Variants in MAP7 observed in about 807,000 individuals in gnomAD.
MAP7 encodes the protein microtubule associated protein 7.
Under a neutral mutation model 94.8 loss-of-function variants are expected in MAP7, and 52 were observed. That is an observed-to-expected ratio of 0.55 (90% confidence interval 0.44 to 0.69). MAP7 has a LOEUF of 0.69. Among genes scored for constraint, MAP7 ranks in the 30% least tolerant of loss-of-function variants. MAP7 has a pLI of 0.00. For synonymous variants in MAP7, 350 were observed against 357.0 expected (o/e 0.98, Z 0.22); for missense variants, 940 against 964.6 (o/e 0.97, Z 0.34).
intron 1 of MAP7, among the ~76,000 whole-genome samples, chr6:136,435,862 G>T (rs535342108): frequency 2.6e-5 from 4 of 152,280 alleles, no homozygotes; most frequent in African/African-American, 9.6e-5. Context: ...TAGAATAGAT[G>T]TTTAATACAA....
intron 16 of MAP7, among the ~76,000 whole-genome samples, chr6:136,353,712 C>A (rs774452370): frequency 5.9e-5 from 9 of 152,068 alleles, no homozygotes; most frequent in African/African-American, 1.7e-4. Flanking sequence ...TGCCACCATG[C>A]CTGGCTAATT....
chr6:136,505,574 G>A (rs1821281025), intron 1 of MAP7, among the ~76,000 whole-genome samples: 1 of 151,774 alleles, frequency 6.6e-6, no homozygotes, highest in Non-Finnish European at 1.5e-5. Flanking sequence ...GTTATAAAAA[G>A]TCAGAAGTAA....
intron 1 of MAP7, among the ~76,000 whole-genome samples, chr6:136,439,378 C>T (rs967831578): frequency 2.6e-5 from 4 of 152,258 alleles, no homozygotes; most frequent in African/African-American, 7.2e-5. Flanking sequence ...CCTCACCAGA[C>T]GCTGAAGGCT....
At chr6:136,449,090 C>T (rs1481543712) in intron 1 of MAP7, among the ~76,000 whole-genome samples, 7 of 151,480 alleles carry the variant, frequency 4.6e-5, no homozygotes, top group African/African-American at 1.2e-4. Context: ...GGGCGGATCA[C>T]GAGGTCAGGA....
chr6:136,366,718 ATACTTTGT>A lies in MAP7; in HGVS notation c.877-287_877-280del, dbSNP rs368730769. Among the ~76,000 whole-genome samples the A allele has an allele frequency of 1.0e-3, 152 of 152,358 alleles. 1 individual carries two copies. Among genetic ancestry groups the A allele is most frequent in the African/African-American group, 3.5e-3 (146 of 41,574 alleles). ...GTGTACATACTTTTAGAAAGCACCT[ATACTTTGT>A]GTCTAAAATTAATTACCTGAAGCAA... On this transcript the variant is annotated intron_variant, in intron 8 of 17. Coordinates refer to ENST00000354570, the MANE Select transcript of MAP7 (RefSeq NM_003980.6).
intron 1 of MAP7, chr6:136,466,975 C>T: frequency 1.5e-5 from 18 of 1,223,192 alleles, no homozygotes; most frequent in Non-Finnish European, 1.8e-5. Flanking sequence ...ACTCGACAGC[C>T]ACTGTTTTTA....
intron 1 of MAP7, among the ~76,000 whole-genome samples, chr6:136,441,598 C>T (rs1368861094): frequency 6.6e-6 from 1 of 152,156 alleles, no homozygotes; most frequent in Non-Finnish European, 1.5e-5. Context: ...CTCAGGAAAG[C>T]TATTAGCCCC....
At position 136,345,952 on chromosome 6, in the gene MAP7, G is replaced by T; in HGVS notation, c.2143C>A (p.Pro715Thr). The change falls in exon 17 of 18, where the codon CCA (proline) becomes ACA (threonine). Residue 715 changes from proline to threonine, a missense_variant. Transcript: ENST00000354570. Reference sequence around the variant, plus strand: ...AAAATTGGATTCAAAGGAATTTCTGGGCTCTCACTGTTGGTGACATCTAAT... The same window carrying T: ...AAAATTGGATTCAAAGGAATTTCTGTGCTCTCACTGTTGGTGACATCTAAT... ...SRLDVTNSES[P>T]EIPLNPILAF... 1 of 1,614,000 alleles carries T rather than the reference G, an allele frequency of 6.2e-7. No individual in the cohort carries two copies. Among genetic ancestry groups the T allele is most frequent in the South Asian group, 1.1e-5 (1 of 91,078 alleles).
At chr6:136,410,445 C>T (rs955621482) in intron 3 of MAP7, among the ~76,000 whole-genome samples, 34 of 152,224 alleles carry the variant, frequency 2.2e-4, no homozygotes, top group Non-Finnish European at 2.9e-4. Context: ...AGCATATTCA[C>T]AGGAGGAAGG....
chr6:136,366,328 A>G lies in MAP7; in HGVS notation c.988T>C (p.Trp330Arg), dbSNP rs758469701. The G allele has an allele frequency of 3.7e-6, 6 of 1,613,370 alleles. No individual in the cohort carries two copies. In the East Asian group the frequency reaches 6.7e-5, roughly 18 times the overall value. Residue 330 changes from tryptophan (W) to arginine (R), a missense_variant and splice_region_variant, in exon 9 of 18, where the codon TGG becomes CGG. Transcript: ENST00000354570. Reference protein sequence around the residue: ...KARQPARSRLWLPSKSLPHLP... With the variant: ...KARQPARSRLRLPSKSLPHLP... ...GCCAGCCACTTATATTTCACTTACC[A>G]AAGTCGGGAGCGAGCTGGTTGTCTT...
At chr6:136,437,660 C>T (rs985098238) in intron 1 of MAP7, among the ~76,000 whole-genome samples, 7 of 152,074 alleles carry the variant, frequency 4.6e-5, no homozygotes, top group Non-Finnish European at 8.8e-5. Flanking sequence ...TAGGAGCCTA[C>T]AATGAAACAT....
chr6:136,450,206 A>G (rs1401619432), intron 1 of MAP7, among the ~76,000 whole-genome samples: 4 of 152,144 alleles, frequency 2.6e-5, no homozygotes, highest in Non-Finnish European at 5.9e-5. Flanking sequence ...TAAAAATACC[A>G]TTTGGCTTCT....
rs747333121 is a variant in MAP7, at chr6:136,485,555, A to ATTTT, written c.68-63760_68-63757dup. On this transcript the variant is annotated intron_variant, in intron 1 of 17. Transcript: ENST00000354570. The stretch of plus-strand genomic sequence containing the variant: ...GACTTAATGATCAATTCCACTTCAG[A>ATTTT]TTTTTTTTTTTTTTTTTTTTTTTTT... Among the ~76,000 whole-genome samples, 411 of 98,122 alleles carry ATTTT rather than the reference A, an allele frequency of 4.2e-3. 17 individuals are homozygous for ATTTT. Among genetic ancestry groups the ATTTT allele is most frequent in the African/African-American group, 9.7e-3 (218 of 22,396 alleles). The allele number at this position is 98,122 out of a possible 152,430, so 64.4% of individuals were successfully genotyped here. A position where few individuals can be genotyped will look rare whatever the true frequency, so the allele number is the denominator to read the frequency against.
chr6:136,408,234 G>A (rs187687543), intron 3 of MAP7, among the ~76,000 whole-genome samples: 8 of 152,216 alleles, frequency 5.3e-5, no homozygotes, highest in African/African-American at 1.9e-4. Flanking sequence ...AGCGTTTAAG[G>A]AAGAAAAATA....
At chr6:136,547,255 A>T (rs1829807168) in intron 1 of MAP7, among the ~76,000 whole-genome samples, 2 of 152,240 alleles carry the variant, frequency 1.3e-5, no homozygotes, top group Non-Finnish European at 2.9e-5. Context: ...GTCATGACCC[A>T]CTTCCCAAAA....
At chr6:136,497,998 T>C (rs1011457640) in intron 1 of MAP7, among the ~76,000 whole-genome samples, 2 of 151,952 alleles carry the variant, frequency 1.3e-5, no homozygotes, top group Non-Finnish European at 2.9e-5. Flanking sequence ...TCCTTAACTT[T>C]GACAAATAAA....
chr6:136,437,345 C>G (rs1420744094), intron 1 of MAP7, among the ~76,000 whole-genome samples: 1 of 152,110 alleles, frequency 6.6e-6, no homozygotes, highest in Non-Finnish European at 1.5e-5. Context: ...TCCCCAAGCC[C>G]TTGGCCCACT....
Position 136,533,518 on chromosome 6 carries a change from T to G in MAP7, c.67+16824A>C, listed in dbSNP as rs17723288. ...GTGAAGAACATTCATTTCAGAATGT[T>G]TTAAGACTTTTCCTCAATCCCATCT... On this transcript the variant is annotated intron_variant, in intron 1 of 17. Transcript: ENST00000354570. Among the ~76,000 whole-genome samples the G allele has an allele frequency of 0.013, 1,999 of 152,292 alleles. 87 individuals are homozygous for G. In the East Asian group the frequency reaches 0.14, roughly 10 times the overall value.
At chr6:136,350,004 C>T (rs930561514) in intron 16 of MAP7, among the ~76,000 whole-genome samples, 3 of 152,134 alleles carry the variant, frequency 2.0e-5, no homozygotes, top group Non-Finnish European at 4.4e-5. Context: ...TAATTTAGTT[C>T]ACAGCATTCA....
Sources: allele counts gnomAD v4.1 joint callset (sites outside exome capture counted in the v4.1 genomes callset), GRCh38; gene constraint gnomAD v4.1.1; transcripts MANE v1.5; gene names NCBI Gene and HGNC (gene_info 2026-07-23, HGNC 2026-07-21).